SLC6A16: variants seen among roughly 807,000 people sequenced by gnomAD.
The protein encoded by SLC6A16 is solute carrier family 6 member 16.
In SLC6A16, 54 loss-of-function variants were observed where a neutral mutation model predicts 65.4. The ratio of observed to expected loss-of-function variants is 0.83; its 90% CI spans 0.66 to 1.04. SLC6A16 has a LOEUF of 1.04. Ranked by LOEUF, SLC6A16 falls within the 50% of genes least tolerant of loss-of-function variation. The probability of loss-of-function intolerance (pLI) is 0.00; values close to 1 mark genes in which losing one functional copy is unlikely to be tolerated. For missense variants in SLC6A16, 816 were observed against 914.0 expected (o/e 0.89, Z 1.38); for synonymous variants, 330 against 346.5 (o/e 0.95, Z 0.53).
chr19:49,332,846 AGGCGTTGGT>A, the SLC6A16 span, among the ~76,000 whole-genome samples: 2 of 152,096 alleles, frequency 1.3e-5, no homozygotes, highest in South Asian at 4.1e-4. Context: ...TAGAGCAGAG[AGGCGTTGGT>A]GGTGGTTAGA....
rs970984068 is a variant in SLC6A16, at chr19:49,292,261, G to A, written c.1778+962C>T. Among the ~76,000 whole-genome samples, 4 of 152,150 alleles carry A rather than the reference G, an allele frequency of 2.6e-5. No homozygotes were observed. Among genetic ancestry groups the A allele is most frequent in the Non-Finnish European group, 1.5e-5 (1 of 68,024 alleles). On this transcript the variant is annotated intron_variant, in intron 10 of 11. Coordinates refer to ENST00000335875, the MANE Select transcript of SLC6A16 (RefSeq NM_014037.3). The surrounding 1 kb of genome is among the most constrained non-coding windows in gnomAD (Gnocchi z 4.3). ...GAATGCCTGTAATCCCAGCTACTCAGAAGGCTGAGGGAGGAGAATTGCTTG... is the reference window on the plus strand; with the variant it reads ...GAATGCCTGTAATCCCAGCTACTCAAAAGGCTGAGGGAGGAGAATTGCTTG...
At chr19:49,339,228 G>T in the SLC6A16 span, 1 of 1,028,348 alleles carries the variant, frequency 9.7e-7, no homozygotes, top group Non-Finnish European at 1.5e-6. This position sits in a 1 kb window ranked among gnomAD's most constrained non-coding sequence, Gnocchi z 4.5. Flanking sequence ...TAGGGGAGCG[G>T]GTAGATGCCT....
chr19:49,302,370 C>T (rs934353631), intron 7 of SLC6A16, among the ~76,000 whole-genome samples: 1 of 152,042 alleles, frequency 6.6e-6, no homozygotes, highest in African/African-American at 2.4e-5. Flanking sequence ...CACCAAGGAC[C>T]ATGCAGGTAT....
In SLC6A16 at chr19:49,310,378, C is replaced by G. The variant is rs201536195; in HGVS notation, c.548G>C (p.Gly183Ala). The change falls in exon 3 of 12, where the codon GGT becomes GCT. Residue 183 changes from glycine to alanine, a missense_variant. Gly to Ala is a moderately conservative substitution (Grantham distance 60, BLOSUM62 0). Coordinates refer to ENST00000335875, the MANE Select transcript of SLC6A16 (RefSeq NM_014037.3). The part of the protein sequence containing the change: ...GVWKIIAPWI[G>A]GVGYSSFMVC... ...CATGAAGCTAGAATACCCCACACCA[C>G]CAATCCAGGGGGCAATGATCTTCCA... The G allele has an allele frequency of 2.1e-5, 34 of 1,613,944 alleles. No homozygotes were observed. In the African/African-American group the frequency reaches 4.1e-4, roughly 20 times the overall value.
At chr19:49,335,422 CCTTT>C in the SLC6A16 span, 3 of 785,722 alleles carry the variant, frequency 3.8e-6, no homozygotes, top group African/African-American at 3.5e-5. The surrounding 1 kb of genome is among the most constrained non-coding windows in gnomAD (Gnocchi z 4.6). Flanking sequence ...TGGGGTTCTT[CCTTT>C]CTCTCTCAGC....
At chr19:49,310,578 C>T (rs1180518307) in intron 2 of SLC6A16, 68 bp from the exon 3 acceptor site, 3 of 1,568,656 alleles carry the variant, frequency 1.9e-6, no homozygotes, top group Non-Finnish European at 2.6e-6. Flanking sequence ...TCCAGGAGCC[C>T]AGGAAAACAT....
the SLC6A16 span, chr19:49,335,598 C>CTCT: frequency 1.2e-6 from 2 of 1,613,604 alleles, no homozygotes; most frequent in Non-Finnish European, 8.5e-7. This position sits in a 1 kb window ranked among gnomAD's most constrained non-coding sequence, Gnocchi z 4.6. Context: ...CGTTTTCAAC[C>CTCT]TCTTCTTCTT....
chr19:49,315,128 C>G (rs1337222674), intron 1 of SLC6A16, among the ~76,000 whole-genome samples: 1 of 151,978 alleles, frequency 6.6e-6, no homozygotes, highest in Non-Finnish European at 1.5e-5. Context: ...ATGTCAAAAA[C>G]AGAGAAACTT....
chr19:49,313,658 T>C (rs1384298839), intron 1 of SLC6A16, among the ~76,000 whole-genome samples: 1 of 144,252 alleles, frequency 6.9e-6, no homozygotes, highest in African/African-American at 2.6e-5. Context: ...TAGCCGGACA[T>C]GGTGGCAGGC....
the SLC6A16 span, among the ~76,000 whole-genome samples, chr19:49,330,567 G>A: frequency 6.6e-6 from 1 of 152,204 alleles, no homozygotes; most frequent in Non-Finnish European, 1.5e-5. Context: ...CAGTAAAGGA[G>A]GAGGGGATCA....
chr19:49,310,008 T>C lies in SLC6A16; in HGVS notation c.700+32A>G, dbSNP rs746189287. The C allele has an allele frequency of 4.4e-6, 7 of 1,606,068 alleles. No individual in the cohort carries two copies. The African/African-American group carries it at 6.7e-5, about 15-fold the overall frequency. On this transcript the variant is annotated intron_variant, in intron 4 of 11. Transcript: ENST00000335875. The stretch of plus-strand genomic sequence containing the variant: ...CCTTCTACTTCTACTTCTCCATTTT[T>C]CCCTTCTCCTCTTCTTTCACTTCCT...
chr19:49,298,644 G>A (rs1243580306), intron 7 of SLC6A16, among the ~76,000 whole-genome samples: 3 of 152,164 alleles, frequency 2.0e-5, no homozygotes, highest in East Asian at 3.8e-4. Context: ...AAGCAGTTTG[G>A]AGATTTCTCA....
intron 7 of SLC6A16, among the ~76,000 whole-genome samples, chr19:49,298,563 G>A (rs1970226299): frequency 6.6e-6 from 1 of 152,176 alleles, no homozygotes; most frequent in African/African-American, 2.4e-5. Flanking sequence ...ACAGATGTTG[G>A]TGAGGCTGCA....
At position 49,325,168 on chromosome 19, in the gene SLC6A16, G is replaced by T; in HGVS notation, c.-185C>A. The stretch of plus-strand genomic sequence containing the variant: ...AGGCCCCTTCAGGCGTCGACAGATC[G>T]GTTTGGGCGACACCCCTCGATCTGC... On this transcript the variant is annotated 5_prime_UTR_variant, in exon 1 of 12. Transcript: ENST00000335875. The T allele has an allele frequency of 1.0e-6, 1 of 985,480 alleles. No individual in the cohort carries two copies. 61.0% of individuals were successfully genotyped at this position (985,480 alleles called of 1,614,324 possible).
intron 7 of SLC6A16, among the ~76,000 whole-genome samples, chr19:49,298,184 G>A (rs1353404182): frequency 2.6e-5 from 4 of 152,094 alleles, no homozygotes; most frequent in Non-Finnish European, 5.9e-5. Flanking sequence ...ATGTTAAAAG[G>A]TACCTGTGCA....
chr19:49,335,210 A>C, the SLC6A16 span: 1 of 336,716 alleles, frequency 3.0e-6, no homozygotes, highest in Non-Finnish European at 5.5e-6. This position sits in a 1 kb window ranked among gnomAD's most constrained non-coding sequence, Gnocchi z 4.6. Context: ...GGGTCCCTTT[A>C]GATCCCCCAG....
At chr19:49,321,196 G>A (rs1970704396) in intron 1 of SLC6A16, among the ~76,000 whole-genome samples, 1 of 151,964 alleles carries the variant, frequency 6.6e-6, no homozygotes, top group Non-Finnish European at 1.5e-5. Context: ...TGGAATGCAA[G>A]GATGGTTCTG....
upstream of SLC6A16, among the ~76,000 whole-genome samples, chr19:49,326,316 G>A (rs1045374956): frequency 2.0e-5 from 3 of 152,134 alleles, no homozygotes; most frequent in South Asian, 6.2e-4. Flanking sequence ...AATAGCTCAT[G>A]TCTTGTAGCT....
intron 1 of SLC6A16, among the ~76,000 whole-genome samples, chr19:49,315,719 A>G (rs1970603855): frequency 6.6e-6 from 1 of 152,218 alleles, no homozygotes; most frequent in Non-Finnish European, 1.5e-5. Flanking sequence ...GGAAAAACAT[A>G]CAATACAATG....
Sources: allele counts gnomAD v4.1 joint callset (sites outside exome capture counted in the v4.1 genomes callset), GRCh38; gene constraint gnomAD v4.1.1; non-coding constraint Gnocchi (gnomAD v3.1); transcripts MANE v1.5; gene names NCBI Gene and HGNC (gene_info 2026-07-23, HGNC 2026-07-21).